The following FAM228B variants were observed in gnomAD, a reference collection of about 807,000 sequenced individuals.
FAM228B encodes protein FAM228B.
A neutral mutation model predicts 42.6 loss-of-function variants in FAM228B; 38 were observed. The observed-to-expected ratio is 0.89, with a 90% CI of 0.69 to 1.17. FAM228B has a LOEUF of 1.17. FAM228B is among the 50% of genes most tolerant of loss of function. The pLI is 0.00. For synonymous variants in FAM228B, 109 were observed against 122.3 expected (o/e 0.89, Z 0.72); for missense variants, 344 against 367.3 (o/e 0.94, Z 0.52).
intron 3 of FAM228B, among the ~76,000 whole-genome samples, chr2:24,103,220 G>A (rs181952574): frequency 1.4e-4 from 21 of 152,288 alleles, no homozygotes; most frequent in Middle Eastern, 3.4e-3. Context: ...CTGTGTGAGC[G>A]TGAGCCCTTT....
chr2:24,102,475 C>A (rs972372868), intron 3 of FAM228B, among the ~76,000 whole-genome samples: 1 of 152,200 alleles, frequency 6.6e-6, no homozygotes, highest in African/African-American at 2.4e-5. Context: ...TGGTGGCTCA[C>A]GCCTGTAATT....
chr2:24,128,129 G>T (rs1388694068), intron 2 of FAM228B, among the ~76,000 whole-genome samples: 1 of 152,154 alleles, frequency 6.6e-6, no homozygotes, highest in East Asian at 1.9e-4. Flanking sequence ...ATGCTTTTAA[G>T]TTCACTAACT....
chr2:24,079,415 C>G (rs369205576), intron 1 of FAM228B: 1 of 1,609,188 alleles, frequency 6.2e-7, no homozygotes, highest in Non-Finnish European at 8.5e-7. Flanking sequence ...TGGGTTAAAT[C>G]ACATGTTTTC....
chr2:24,098,059 G>T (rs1255524394), intron 3 of FAM228B, among the ~76,000 whole-genome samples: 1 of 152,156 alleles, frequency 6.6e-6, no homozygotes, highest in Non-Finnish European at 1.5e-5. Flanking sequence ...AATGAAGGCA[G>T]AAATAAAGAT....
In FAM228B at chr2:24,084,486, G is replaced by T; in HGVS notation, c.-210+3531G>T. The T allele has an allele frequency of 1.0e-6, 1 of 983,888 alleles. No individual in the cohort carries two copies. Among genetic ancestry groups the T allele is most frequent in the Non-Finnish European group, 1.4e-6 (1 of 714,646 alleles). The allele number at this position is 983,888 out of a possible 1,614,324, so 60.9% of individuals were successfully genotyped here. ...ACCGCAGCGCCCCCTGCCGGCCAGC[G>T]CCTCGCTGCCCTGGTCTGCCGCGGA... On this transcript the variant is annotated intron_variant, in intron 2 of 10. Transcript: ENST00000613899. The surrounding 1 kb of genome is among the most constrained non-coding windows in gnomAD (Gnocchi z 8.4).
At chr2:24,087,090 T>C (rs900952485) in intron 2 of FAM228B, among the ~76,000 whole-genome samples, 32 of 152,072 alleles carry the variant, frequency 2.1e-4, no homozygotes, top group Non-Finnish European at 3.8e-4. Flanking sequence ...CCAGTAAAAC[T>C]AGTAGTTGAA....
At chr2:24,129,041 A>G (rs566635577) in intron 2 of FAM228B, among the ~76,000 whole-genome samples, 226 of 151,934 alleles carry the variant, frequency 1.5e-3, no homozygotes, top group African/African-American at 3.4e-3. Flanking sequence ...TCCTTTGGGC[A>G]TGTAGTGTTT....
In FAM228B at chr2:24,123,882, C is replaced by A. The variant is rs142759883; in HGVS notation, c.-33+349C>A. 1.1e-3 allele frequency among the ~76,000 whole-genome samples: 175 copies of A among 152,314 alleles called. 5 individuals carry two copies. In the East Asian group the frequency reaches 0.034, roughly 29 times the overall value. On this transcript the variant is annotated intron_variant, in intron 1 of 10. Coordinates refer to ENST00000615575, the MANE Select transcript of FAM228B (RefSeq NM_001145710.2). ...CGTCGCACCCGTGCCTCGGGGAGGA[C>A]TTCGAGCCGCTCAGAGCTCGAAGAC... is the stretch of plus-strand genomic sequence containing the variant.
At chr2:24,086,435 A>T (rs1479697483) in intron 2 of FAM228B, among the ~76,000 whole-genome samples, 2 of 152,116 alleles carry the variant, frequency 1.3e-5, no homozygotes, top group African/African-American at 4.8e-5. Context: ...ACAAGTGTGG[A>T]AAGAATAAGT....
At chr2:24,097,451 C>CAAAA (rs142500481) in intron 3 of FAM228B, 113 of 70,282 alleles carry the variant, frequency 1.6e-3, no homozygotes, top group East Asian at 2.5e-3. Flanking sequence ...AAATGGAAAG[C>CAAAA]AAAAAAAAAA....
intron 7 of FAM228B, among the ~76,000 whole-genome samples, chr2:24,158,179 C>T (rs1371586846): frequency 7.7e-6 from 1 of 129,298 alleles, no homozygotes; most frequent in Non-Finnish European, 1.6e-5. Context: ...ATATGCTGGG[C>T]TTTCTCTCTG....
At chr2:24,155,639 C>T (rs960207374) in intron 7 of FAM228B, among the ~76,000 whole-genome samples, 23 of 144,362 alleles carry the variant, frequency 1.6e-4, no homozygotes, top group African/African-American at 5.9e-4. Context: ...CTCCCCAGTT[C>T]AAGCAATTCT....
At position 24,080,696 on chromosome 2, in the gene FAM228B, G is replaced by C. The variant is rs1290722387; in HGVS notation, c.-289-180G>C. ...ATACCATAGTACTAGAATTTGGCCA[G>C]GGCAGCTGTTGTGCACTTAGCAGAG... On this transcript the variant is annotated intron_variant, in intron 1 of 10. Coordinates refer to the FAM228B transcript ENST00000613899. This position sits in a 1 kb window ranked among gnomAD's most constrained non-coding sequence, Gnocchi z 4.7. The C allele has an allele frequency of 1.7e-6, 2 of 1,171,390 alleles. No individual in the cohort carries two copies. The highest frequency in any genetic ancestry group is 2.8e-5 in the South Asian group (2 of 71,490). The allele number at this position is 1,171,390 out of a possible 1,614,324, so 72.6% of individuals were successfully genotyped here.
chr2:24,163,088 G>T (rs1667320420), intron 8 of FAM228B, among the ~76,000 whole-genome samples: 1 of 152,086 alleles, frequency 6.6e-6, no homozygotes, highest in African/African-American at 2.4e-5. Flanking sequence ...TATTAAAATT[G>T]TTCATAATAA....
intron 7 of FAM228B, among the ~76,000 whole-genome samples, chr2:24,151,594 A>G (rs1376530686): frequency 7.1e-6 from 1 of 140,354 alleles, no homozygotes; most frequent in Non-Finnish European, 1.5e-5. Context: ...ACCCGGCCTC[A>G]TTATGAGATT....
chr2:24,147,918 T>C (rs1388930391), intron 7 of FAM228B, among the ~76,000 whole-genome samples: 5 of 17,190 alleles, frequency 2.9e-4, no homozygotes, highest in Non-Finnish European at 6.7e-4. Flanking sequence ...TGCCTTGCCT[T>C]TTTTTTTTTT....
chr2:24,145,285 G>C (rs1666866514), intron 5 of FAM228B, among the ~76,000 whole-genome samples: 2 of 152,298 alleles, frequency 1.3e-5, no homozygotes, highest in Middle Eastern at 3.4e-3. Context: ...GGCCTGCCCA[G>C]TGTCCCCATC....
intron 7 of FAM228B, among the ~76,000 whole-genome samples, chr2:24,156,188 G>A (rs1667138706): frequency 6.6e-6 from 1 of 152,182 alleles, no homozygotes; most frequent in South Asian, 2.1e-4. Context: ...ATCCAAAAGT[G>A]AGCGAGTCGT....
intron 5 of FAM228B, chr2:24,142,683 T>C (rs1205823894): frequency 1.3e-5 from 2 of 152,174 alleles, no homozygotes; most frequent in African/African-American, 4.8e-5. Context: ...TTCTGGAAAA[T>C]GAATGAAGTC....
Sources: allele counts gnomAD v4.1 joint callset (sites outside exome capture counted in the v4.1 genomes callset), GRCh38; gene constraint gnomAD v4.1.1; non-coding constraint Gnocchi (gnomAD v3.1); transcripts MANE v1.5; gene names NCBI Gene and HGNC (gene_info 2026-07-23, HGNC 2026-07-21).